TMEM165: variants seen among roughly 807,000 people sequenced by gnomAD.
TMEM165 encodes putative divalent cation/proton antiporter TMEM165.
In TMEM165, 19 loss-of-function variants were observed where a neutral mutation model predicts 30.0. The observed-to-expected ratio is 0.63, with a 90% confidence interval of 0.44 to 0.93. The LOEUF is 0.93. TMEM165 is among the 40% of genes least tolerant of loss of function. The pLI is 0.00. For missense variants in TMEM165, 340 were observed against 417.0 expected (o/e 0.82, Z 1.61); for synonymous variants, 168 against 162.9 (o/e 1.03, Z -0.24).
chr4:55,418,099 T>C (rs935452610), intron 4 of TMEM165, 114 bp downstream of exon 4: 2 of 983,868 alleles, frequency 2.0e-6, no homozygotes, highest in Non-Finnish European at 2.9e-6. Flanking sequence ...TATGCAAGAC[T>C]GTTTTACATC....
At position 55,425,491 on chromosome 4, in the gene TMEM165, A is replaced by G. The variant is rs1722158001; in HGVS notation, c.*39A>G. 4 of 1,467,028 alleles carry G rather than the reference A, an allele frequency of 2.7e-6. No individual in the cohort carries two copies. In the African/African-American group the frequency reaches 4.2e-5, roughly 15 times the overall value. The allele number at this position is 1,467,028 out of a possible 1,614,324, so 90.9% of individuals were successfully genotyped here. On this transcript the variant is annotated 3_prime_UTR_variant, in exon 6 of 6. Coordinates refer to ENST00000381334, the MANE Select transcript of TMEM165 (RefSeq NM_018475.5). The stretch of plus-strand genomic sequence containing the variant: ...CATCTATATTTAGTTTAAAATAGGT[A>G]GTATTATCTTTCTGTACATAGTGTA...
At chr4:55,449,304 G>C in intron 3 of TMEM165, 3 of 1,138,986 alleles carry the variant, frequency 2.6e-6, no homozygotes, top group Non-Finnish European at 4.0e-6. Context: ...TTTACAAAGA[G>C]GGGTGACAAA....
Position 55,438,855 on chromosome 4 carries a change from A to G in TMEM165, c.409-13384A>G, listed in dbSNP as rs1246009787. On this transcript the variant is annotated intron_variant, in intron 3 of 3. Coordinates refer to the TMEM165 transcript ENST00000608091. ...CTTGAAATGGACCAAAGACCAAAAC[A>G]TAAGAGCTAATGCTATAAAACTCTT... Among the ~76,000 whole-genome samples the G allele has an allele frequency of 7.2e-5, 11 of 152,348 alleles. No homozygotes were observed. In the East Asian group the frequency reaches 1.5e-3, roughly 21 times the overall value.
intron 3 of TMEM165, chr4:55,442,327 A>T: frequency 1.1e-6 from 1 of 915,866 alleles, no homozygotes; most frequent in Non-Finnish European, 1.8e-6. Flanking sequence ...TGCAGTGAGC[A>T]TCTCATTAAA....
At chr4:55,453,333 A>C in exon 4 of TMEM165, 1 of 540,982 alleles carries the variant, frequency 1.8e-6, no homozygotes, top group South Asian at 3.0e-5. Flanking sequence ...CACTGCTGTA[A>C]ACGATCCATA....
At chr4:55,436,944 C>A (rs1462834421) in intron 3 of TMEM165, among the ~76,000 whole-genome samples, 1 of 86,836 alleles carries the variant, frequency 1.2e-5, no homozygotes, top group Non-Finnish European at 2.3e-5. Context: ...GGCCTTTGTT[C>A]CTTGACATAC....
intron 1 of TMEM165, among the ~76,000 whole-genome samples, chr4:55,400,167 A>G (rs59648459): frequency 0.26 from 31,605 of 123,112 alleles, 4,274 homozygotes; most frequent in South Asian, 0.38. Context: ...TATTTTATAT[A>G]TATAATATAT....
At chr4:55,435,524 C>T (rs1416627201) in intron 3 of TMEM165, 1 of 1,613,890 alleles carries the variant, frequency 6.2e-7, no homozygotes, top group African/African-American at 1.3e-5. Context: ...AGGGAAGGTG[C>T]TCTGTTGTAG....
At chr4:55,403,210 G>T in intron 1 of TMEM165, 2 of 1,238,726 alleles carry the variant, frequency 1.6e-6, no homozygotes, top group Non-Finnish European at 2.1e-6. Context: ...AACTTATTGA[G>T]CAACTTTGTT....
chr4:55,427,157 C>A (rs146471976), downstream of TMEM165, among the ~76,000 whole-genome samples: 9,441 of 151,812 alleles, frequency 0.062, 303 homozygotes, highest in South Asian at 0.16. Context: ...CCTCAGCCTC[C>A]CGAGTAGCTG....
chr4:55,428,045 A>G (rs1722309894), downstream of TMEM165: 1 of 152,204 alleles, frequency 6.6e-6, no homozygotes, highest in South Asian at 2.1e-4. Flanking sequence ...GGTATTTTTT[A>G]TTTTTAAAAT....
chr4:55,428,826 A>C (rs1261917974), downstream of TMEM165: 3 of 151,586 alleles, frequency 2.0e-5, no homozygotes, highest in African/African-American at 7.3e-5. Flanking sequence ...TCAATACAGC[A>C]CTGAATTTAA....
chr4:55,412,818 T>C (rs1721563965), intron 2 of TMEM165: 1 of 152,158 alleles, frequency 6.6e-6, no homozygotes, highest in Non-Finnish European at 1.5e-5. Context: ...TTCAAAGATA[T>C]TGTAAATTTC....
At chr4:55,427,548 T>C (rs1722276786), downstream of TMEM165, among the ~76,000 whole-genome samples, 1 of 150,616 alleles carries the variant, frequency 6.6e-6, no homozygotes, top group East Asian at 2.0e-4. Flanking sequence ...TTTTACCATG[T>C]TGGCCAGGCT....
At chr4:55,396,929 G>C (rs1012133353) in intron 1 of TMEM165, among the ~76,000 whole-genome samples, 1 of 152,154 alleles carries the variant, frequency 6.6e-6, no homozygotes, top group African/African-American at 2.4e-5. Context: ...CTTTAGGAAC[G>C]CAGAGGAATT....
chr4:55,412,642 T>C (rs1000355221), intron 2 of TMEM165: 1 of 152,104 alleles, frequency 6.6e-6, no homozygotes, highest in Non-Finnish European at 1.5e-5. Context: ...ACAAAGCTGG[T>C]CCAAGTGCAA....
intron 1 of TMEM165, among the ~76,000 whole-genome samples, chr4:55,406,948 G>T (rs774238433): frequency 3.3e-5 from 5 of 152,214 alleles, no homozygotes; most frequent in Non-Finnish European, 5.9e-5. Context: ...GAGCCACTGA[G>T]CCCAGCCGAC....
At position 55,407,721 on chromosome 4, in the gene TMEM165, G is replaced by C. The variant is rs114173822; in HGVS notation, c.208-3893G>C. ...GATAGTTACCAGAATCAAGTATTTG[G>C]TATGAAAAGACCATTACGTTTCTTA... On this transcript the variant is annotated intron_variant, in intron 1 of 5. Coordinates refer to ENST00000381334, the MANE Select transcript of TMEM165 (RefSeq NM_018475.5). Among the ~76,000 whole-genome samples, 503 of 152,268 alleles carry C rather than the reference G, an allele frequency of 3.3e-3. 2 individuals are homozygous for C. Among genetic ancestry groups the C allele is most frequent in the African/African-American group, 0.011 (463 of 41,554 alleles).
rs1017361791 is a variant in TMEM165, at chr4:55,442,373, T to C, written c.409-9866T>C. The C allele has an allele frequency of 9.8e-6, 14 of 1,435,408 alleles. No homozygotes were observed. The highest frequency in any genetic ancestry group is 5.6e-5 in the African/African-American group (4 of 70,950). 88.9% of individuals were successfully genotyped at this position (1,435,408 alleles called of 1,614,324 possible). On this transcript the variant is annotated intron_variant, in intron 3 of 3. Transcript: ENST00000608091. ...AAAATTTGATTAAGAAATCAAATTA[T>C]TGTTTTCTAATCAATCGGTTTACAA...
Sources: allele counts gnomAD v4.1 joint callset (sites outside exome capture counted in the v4.1 genomes callset), GRCh38; gene constraint gnomAD v4.1.1; transcripts MANE v1.5; gene names NCBI Gene and HGNC (gene_info 2026-07-23, HGNC 2026-07-21).